Variants in DPP6 observed in about 807,000 individuals in gnomAD.
DPP6 encodes the protein A-type potassium channel modulatory protein DPP6.
A neutral mutation model predicts 122.6 loss-of-function variants in DPP6; 69 were observed. The ratio of observed to expected loss-of-function variants is 0.56; its 90% CI spans 0.46 to 0.69. The LOEUF is 0.69. Ranked by LOEUF, DPP6 falls within the 30% of genes least tolerant of loss-of-function variation. The pLI is 0.00. For synonymous variants in DPP6, 418 were observed against 433.1 expected (o/e 0.97, Z 0.43); for missense variants, 928 against 1,116.9 (o/e 0.83, Z 2.41).
chr7:154,540,995 T>C (rs1828682285), intron 4 of DPP6, among the ~76,000 whole-genome samples: 1 of 152,232 alleles, frequency 6.6e-6, no homozygotes, highest in African/African-American at 2.4e-5. Context: ...CGTCTCCGCA[T>C]GCATAGGAAG....
At chr7:154,866,153 C>A (rs1803857445) in intron 17 of DPP6, among the ~76,000 whole-genome samples, 1 of 152,212 alleles carries the variant, frequency 6.6e-6, no homozygotes. Flanking sequence ...GCAGCACGTG[C>A]AAAGGCCCTG....
At chr7:154,806,747 C>A (rs986760505) in intron 15 of DPP6, among the ~76,000 whole-genome samples, 1 of 152,178 alleles carries the variant, frequency 6.6e-6, no homozygotes, top group African/African-American at 2.4e-5. Flanking sequence ...GACTGCCTTC[C>A]AGCCCTCCCA....
chr7:154,277,385 C>A (rs1804212176), intron 1 of DPP6, among the ~76,000 whole-genome samples: 1 of 152,156 alleles, frequency 6.6e-6, no homozygotes, highest in Non-Finnish European at 1.5e-5. Context: ...GTCAATCAGA[C>A]CAAAGGTAAT....
intron 5 of DPP6, among the ~76,000 whole-genome samples, chr7:154,585,375 G>T (rs1373228636): frequency 6.6e-6 from 1 of 152,194 alleles, no homozygotes; most frequent in Non-Finnish European, 1.5e-5. Flanking sequence ...TTTCATTACT[G>T]CATCCCCTCT....
chr7:153,766,140 T>C, the DPP6 span, among the ~76,000 whole-genome samples: 1 of 152,378 alleles, frequency 6.6e-6, no homozygotes, highest in South Asian at 2.1e-4. Flanking sequence ...AAGCCTTTCA[T>C]TTCGTGAAAA....
rs182739977 is a variant in DPP6, at chr7:154,566,819, T to A, written c.553-23T>A. On this transcript the variant is annotated intron_variant, in intron 4 of 25. Coordinates refer to ENST00000377770, the MANE Select transcript of DPP6 (RefSeq NM_130797.4). The stretch of plus-strand genomic sequence containing the variant: ...CTTGTTGTATGTAATGCTTTAAAAT[T>A]CTTTGTCTATTTTTTCTTTTAGGAA... 9,688 of 1,379,514 alleles carry A rather than the reference T, an allele frequency of 7.0e-3. 42 individuals carry two copies. Among genetic ancestry groups the A allele is most frequent in the Non-Finnish European group, 8.8e-3 (8,613 of 978,246 alleles). The allele number at this position is 1,379,514 out of a possible 1,614,324, so 85.5% of individuals were successfully genotyped here.
At chr7:154,598,878 C>G (rs1437271858) in intron 5 of DPP6, among the ~76,000 whole-genome samples, 1 of 152,056 alleles carries the variant, frequency 6.6e-6, no homozygotes, top group African/African-American at 2.4e-5. Context: ...TATGTTCATC[C>G]TTAGGGACTT....
intron 1 of DPP6, among the ~76,000 whole-genome samples, chr7:154,013,385 C>T (rs911928413): frequency 1.3e-5 from 2 of 151,528 alleles, no homozygotes; most frequent in African/African-American, 4.9e-5. Context: ...GGGGAGAAGC[C>T]CAAGGTAAAT....
At chr7:154,778,450 T>A (rs1796719355) in intron 10 of DPP6, among the ~76,000 whole-genome samples, 1 of 151,918 alleles carries the variant, frequency 6.6e-6, no homozygotes, top group Non-Finnish European at 1.5e-5. Context: ...CTCTTTCCAA[T>A]TTATACAAAA....
the DPP6 span, among the ~76,000 whole-genome samples, chr7:153,793,034 T>C: frequency 6.6e-6 from 1 of 152,334 alleles, no homozygotes; most frequent in East Asian, 1.9e-4. Context: ...AACTTCTTTT[T>C]CTTCCTAGTC....
At chr7:154,018,194 T>C (rs2129051056) in intron 1 of DPP6, among the ~76,000 whole-genome samples, 1 of 151,902 alleles carries the variant, frequency 6.6e-6, no homozygotes, top group South Asian at 2.1e-4. Context: ...AAATACGCTG[T>C]CCCCTTAGAG....
chr7:153,886,890 C>A (rs1007601625), upstream of DPP6, among the ~76,000 whole-genome samples: 1 of 152,176 alleles, frequency 6.6e-6, no homozygotes, highest in South Asian at 2.1e-4. Context: ...ATAGTTAACA[C>A]CCGGCTGCGG....
chr7:154,726,195 C>T (rs1293241330), intron 7 of DPP6, among the ~76,000 whole-genome samples: 1 of 152,206 alleles, frequency 6.6e-6, no homozygotes, highest in African/African-American at 2.4e-5. Flanking sequence ...GACAGTGGCC[C>T]TCTTCTCACA....
chr7:153,940,086 C>T (rs947611512), intron 1 of DPP6, among the ~76,000 whole-genome samples: 2 of 152,196 alleles, frequency 1.3e-5, no homozygotes, highest in Non-Finnish European at 2.9e-5. Context: ...CTGTGGCCCT[C>T]TAGCTTCCTC....
At chr7:154,258,857 A>G (rs1379216124) in intron 1 of DPP6, among the ~76,000 whole-genome samples, 2 of 152,234 alleles carry the variant, frequency 1.3e-5, no homozygotes, top group East Asian at 1.9e-4. Context: ...TAAAAGGAAC[A>G]TAGTAAAAAT....
At chr7:154,128,482 A>G (rs1388359208) in intron 1 of DPP6, among the ~76,000 whole-genome samples, 1 of 152,142 alleles carries the variant, frequency 6.6e-6, no homozygotes, top group Non-Finnish European at 1.5e-5. Flanking sequence ...GCTCACTGCA[A>G]GCTCCGCCTC....
Position 154,655,685 on chromosome 7 carries a change from G to A in DPP6, c.681-13675G>A, listed in dbSNP as rs964526017. ...AAAATCATTTGATGCGAGGAATTGG[G>A]GCTTAAGCCAAGTGTGCTGCCGTGG... On this transcript the variant is annotated intron_variant, in intron 6 of 25. Transcript: ENST00000377770. 7.9e-5 allele frequency among the ~76,000 whole-genome samples: 12 copies of A among 152,302 alleles called. No individual in the cohort carries two copies. In the East Asian group the frequency reaches 2.3e-3, roughly 29 times the overall value.
intron 10 of DPP6, among the ~76,000 whole-genome samples, chr7:154,785,626 A>G (rs1797292584): frequency 6.6e-6 from 1 of 152,186 alleles, no homozygotes; most frequent in South Asian, 2.1e-4. Flanking sequence ...TCCCTACCAC[A>G]CAGCAACTTC....
intron 1 of DPP6, among the ~76,000 whole-genome samples, chr7:153,973,014 A>C (rs1796100246): frequency 6.6e-6 from 1 of 151,902 alleles, no homozygotes; most frequent in Non-Finnish European, 1.5e-5. Flanking sequence ...TGCCTTTAGA[A>C]ATTAGGTCTT....
Sources: gnomAD v4.1 joint callset for allele counts (sites outside exome capture counted in the v4.1 genomes callset) on GRCh38, gnomAD v4.1.1 for gene constraint, MANE v1.5 for transcripts, NCBI Gene and HGNC (gene_info 2026-07-23, HGNC 2026-07-21) for gene names.